NEBL: variants seen among roughly 807,000 people sequenced by gnomAD.
The protein encoded by NEBL is nebulette.
Under a neutral mutation model 140.2 loss-of-function variants are expected in NEBL, and 122 were observed. That is an observed-to-expected ratio of 0.87 (90% CI 0.75 to 1.01). The LOEUF is 1.01. NEBL is among the 50% of genes least tolerant of loss of function. The probability of loss-of-function intolerance (pLI) is 0.00; values close to 1 mark genes in which losing one functional copy is unlikely to be tolerated. For missense variants in NEBL, 1,365 were observed against 1,231.3 expected (o/e 1.11, Z -1.62); for synonymous variants, 436 against 398.9 (o/e 1.09, Z -1.11).
At chr10:21,253,947 C>T (rs928529966) in intron 1 of NEBL, among the ~76,000 whole-genome samples, 2 of 152,134 alleles carry the variant, frequency 1.3e-5, no homozygotes, top group Non-Finnish European at 2.9e-5. Context: ...AATGAAGAAA[C>T]TTTGCACAAA....
intron 3 of NEBL, among the ~76,000 whole-genome samples, chr10:21,216,809 G>A (rs187310735): frequency 8.1e-4 from 121 of 149,474 alleles, no homozygotes; most frequent in African/African-American, 2.9e-3. Context: ...AAAGAAACAC[G>A]AAAACCCATC....
intron 2 of NEBL, among the ~76,000 whole-genome samples, chr10:21,107,765 C>G (rs1485676620): frequency 6.6e-6 from 1 of 152,126 alleles, no homozygotes; most frequent in Non-Finnish European, 1.5e-5. Context: ...CTTTGTACCT[C>G]TGGTAGAATT....
chr10:20,965,923 G>A (rs1299022733), intron 3 of NEBL, among the ~76,000 whole-genome samples: 1 of 152,170 alleles, frequency 6.6e-6, no homozygotes, highest in East Asian at 1.9e-4. Flanking sequence ...GAAGGACAAA[G>A]AGGAGAGAGG....
chr10:21,272,053 G>A (rs1305008307), intron 1 of NEBL, among the ~76,000 whole-genome samples: 1 of 149,340 alleles, frequency 6.7e-6, no homozygotes, highest in Admixed American at 6.7e-5. Flanking sequence ...CGCCTCCCAG[G>A]TTCACACCAT....
intron 4 of NEBL, among the ~76,000 whole-genome samples, chr10:20,910,620 C>A (rs1005580260): frequency 1.3e-5 from 2 of 152,128 alleles, no homozygotes; most frequent in African/African-American, 4.8e-5. Flanking sequence ...GGAAAGCATG[C>A]AACACAGAAG....
At chr10:20,969,778 C>A (rs1836489805) in intron 3 of NEBL, among the ~76,000 whole-genome samples, 1 of 152,064 alleles carries the variant, frequency 6.6e-6, no homozygotes, top group Non-Finnish European at 1.5e-5. Flanking sequence ...CTCCTGACCT[C>A]AAGTGATCTG....
chr10:21,067,890 G>A (rs539929754), intron 2 of NEBL, among the ~76,000 whole-genome samples: 1 of 152,164 alleles, frequency 6.6e-6, no homozygotes, highest in Admixed American at 6.5e-5. Flanking sequence ...GAGGCAGGAG[G>A]ATCACTTGAG....
chr10:20,845,488 G>T, intron 11 of NEBL, 120 bp from the exon 12 acceptor site: 1 of 652,046 alleles, frequency 1.5e-6, no homozygotes, highest in South Asian at 1.8e-5. Context: ...ACCACCTGAG[G>T]GTCATCCTAT....
rs1290913631 is a variant in NEBL at position 20,889,858 on chromosome 10, G to A, written c.245C>T (p.Ala82Val). ...TTGATACCTTACCTCAGAAATAAAA[G>A]CACCGATATTTTTTACATGGTTTAG... Reference protein sequence around the residue: ...PMLNHVKNIGAFISEAKYKGT... With the variant: ...PMLNHVKNIGVFISEAKYKGT... The change falls in exon 3 of 28, where the codon GCT (alanine) becomes GTT (valine). Residue 82 changes from alanine to valine, a missense_variant. Around this residue, in one of 2 missense-constraint regions of NEBL, gnomAD observed 1,323 missense variants for 1,154.8 expected, o/e 1.15. Transcript: ENST00000377122. The A allele has an allele frequency of 6.2e-7, 1 of 1,609,168 alleles. No individual in the cohort carries two copies. The highest frequency in any genetic ancestry group is 1.1e-5 in the South Asian group (1 of 90,920).
chr10:21,155,528 T>G (rs900421085), intron 2 of NEBL, among the ~76,000 whole-genome samples: 3 of 152,198 alleles, frequency 2.0e-5, no homozygotes, highest in Non-Finnish European at 4.4e-5. Context: ...AGTGATAACA[T>G]ACAGTGTTTC....
intron 4 of NEBL, among the ~76,000 whole-genome samples, chr10:20,930,254 G>A (rs1333751945): frequency 1.3e-5 from 2 of 152,052 alleles, no homozygotes; most frequent in African/African-American, 4.8e-5. Context: ...TCTAGGAGAC[G>A]TTCTTGTTTT....
At chr10:20,858,104 T>A in intron 9 of NEBL, 136 bp downstream of exon 9, 1 of 728,238 alleles carries the variant, frequency 1.4e-6, no homozygotes, top group Non-Finnish European at 2.4e-6. Context: ...GAGGACTGTT[T>A]TTCAATGAGT....
chr10:20,812,696 G>A lies in NEBL; in HGVS notation c.2518+73C>T. ...TGATGAGGAGTCAGATGACTCAAGA[G>A]GGTAATTCTGAAGCTAGAGCAAGCA... On this transcript the variant is annotated intron_variant, in intron 24 of 27. Coordinates refer to ENST00000377122, the MANE Select transcript of NEBL (RefSeq NM_006393.3). 3.2e-6 allele frequency: 5 copies of A among 1,563,114 alleles called. No homozygotes were observed. The South Asian group carries it at 3.4e-5, about 10-fold the overall frequency.
chr10:20,952,342 C>T (rs1325819287), intron 4 of NEBL, among the ~76,000 whole-genome samples: 2 of 149,472 alleles, frequency 1.3e-5, no homozygotes, highest in Non-Finnish European at 3.0e-5. Context: ...GAGGCTGAGG[C>T]AGGAGAATCA....
chr10:21,188,631 G>A (rs1345672573), intron 3 of NEBL, among the ~76,000 whole-genome samples: 1 of 137,316 alleles, frequency 7.3e-6, no homozygotes, highest in African/African-American at 2.8e-5. Context: ...ACAGAGTCTC[G>A]CTGTTTTCGC....
chr10:20,926,738 G>A (rs932356445), intron 4 of NEBL, among the ~76,000 whole-genome samples: 14 of 152,182 alleles, frequency 9.2e-5, no homozygotes, highest in African/African-American at 3.1e-4. Context: ...CATTACTGCC[G>A]ATGGCACATC....
In NEBL at chr10:21,071,227, T is replaced by C. The variant is rs964577916; in HGVS notation, c.165-51026A>G. Among the ~76,000 whole-genome samples the C allele has an allele frequency of 2.0e-5, 3 of 149,206 alleles. No homozygotes were observed. In the Admixed American group the frequency reaches 2.0e-4, roughly 10 times the overall value. On this transcript the variant is annotated intron_variant, in intron 2 of 6. Coordinates refer to the NEBL transcript ENST00000417816. ...ATATTATTATAATTTTTAAATAATA[T>C]TATTATTATTTTTAAAAATAAAAAA... is the stretch of plus-strand genomic sequence containing the variant.
chr10:20,830,747 A>G (rs1318314279), intron 16 of NEBL, among the ~76,000 whole-genome samples: 1 of 150,626 alleles, frequency 6.6e-6, no homozygotes, highest in African/African-American at 2.4e-5. Flanking sequence ...AAAAAAAAAA[A>G]GAAAGAAAGA....
At chr10:20,810,008 A>C (rs982156520) in intron 24 of NEBL, 110 bp from the exon 25 acceptor site, 8 of 756,064 alleles carry the variant, frequency 1.1e-5, no homozygotes, top group Non-Finnish European at 1.8e-5. Flanking sequence ...GCAAAGGAAT[A>C]GATATAAGAA....
Sources: allele counts gnomAD v4.1 joint callset (sites outside exome capture counted in the v4.1 genomes callset), GRCh38; gene constraint gnomAD v4.1.1; regional missense constraint gnomAD v4.1.1; transcripts MANE v1.5; gene names NCBI Gene and HGNC (gene_info 2026-07-23, HGNC 2026-07-21).